KIAA1217: variants seen among roughly 807,000 people sequenced by gnomAD.
KIAA1217 encodes sickle tail protein homolog.
A neutral mutation model predicts 163.9 loss-of-function variants in KIAA1217; 88 were observed. The observed-to-expected ratio is 0.54, with a 90% CI of 0.45 to 0.64. The LOEUF (loss-of-function observed/expected upper bound fraction) is 0.64. KIAA1217 is among the 30% of genes least tolerant of loss of function. The pLI is 0.00. For missense variants in KIAA1217, 2,372 were observed against 2,475.0 expected (o/e 0.96, Z 0.88); for synonymous variants, 903 against 923.1 (o/e 0.98, Z 0.39).
At chr10:24,536,512 G>A (rs1044615580) in intron 16 of KIAA1217, among the ~76,000 whole-genome samples, 1 of 152,134 alleles carries the variant, frequency 6.6e-6, no homozygotes, top group African/African-American at 2.4e-5. Flanking sequence ...CCCCAGACAG[G>A]CAGAAAAGGT....
intron 2 of KIAA1217, among the ~76,000 whole-genome samples, chr10:24,380,471 T>C (rs887816401): frequency 6.6e-6 from 1 of 152,026 alleles, no homozygotes; most frequent in Non-Finnish European, 1.5e-5. Flanking sequence ...TGAAACCCCA[T>C]CTCTGCTAAA....
chr10:24,163,760 G>T (rs1169190442), intron 2 of KIAA1217, among the ~76,000 whole-genome samples: 1 of 152,184 alleles, frequency 6.6e-6, no homozygotes, highest in Non-Finnish European at 1.5e-5. Flanking sequence ...GCTGGTGTTT[G>T]CATGGGTGGC....
intron 2 of KIAA1217, among the ~76,000 whole-genome samples, chr10:24,322,413 G>A (rs970074716): frequency 6.6e-6 from 1 of 152,182 alleles, no homozygotes; most frequent in African/African-American, 2.4e-5. Flanking sequence ...TAACCAATGT[G>A]TCAGGATGGG....
chr10:24,242,327 TGTAA>T (rs1359802584), intron 2 of KIAA1217, among the ~76,000 whole-genome samples: 2 of 152,164 alleles, frequency 1.3e-5, no homozygotes, highest in African/African-American at 4.8e-5. Flanking sequence ...AGCCCCCACT[TGTAA>T]GTGAGAACAT....
At chr10:23,797,056 A>G (rs1370822912) in intron 1 of KIAA1217, among the ~76,000 whole-genome samples, 1 of 152,126 alleles carries the variant, frequency 6.6e-6, no homozygotes. Flanking sequence ...GGATCTTACT[A>G]TGTTGCTCAG....
chr10:24,399,245 A>T (rs546300196), intron 3 of KIAA1217, among the ~76,000 whole-genome samples: 6 of 152,280 alleles, frequency 3.9e-5, no homozygotes, highest in Admixed American at 2.0e-4. Context: ...CTTAATGTCT[A>T]TTGCATTCTA....
chr10:23,979,808 C>G (rs1375335925), intron 1 of KIAA1217, among the ~76,000 whole-genome samples: 2 of 152,154 alleles, frequency 1.3e-5, no homozygotes, highest in Non-Finnish European at 2.9e-5. Context: ...AGATGCAAAG[C>G]TCTCAAACTG....
intron 2 of KIAA1217, among the ~76,000 whole-genome samples, chr10:24,236,222 A>G (rs367748015): frequency 4.6e-5 from 7 of 152,104 alleles, no homozygotes; most frequent in African/African-American, 1.7e-4. Flanking sequence ...CTTCCAATTC[A>G]TATTTCTTTT....
intron 2 of KIAA1217, among the ~76,000 whole-genome samples, chr10:24,305,788 C>T (rs962622943): frequency 6.6e-6 from 1 of 152,174 alleles, no homozygotes; most frequent in South Asian, 2.1e-4. Flanking sequence ...GACGTGTCAT[C>T]TTTGTGGAGC....
intron 2 of KIAA1217, among the ~76,000 whole-genome samples, chr10:24,375,120 T>A (rs2134623728): frequency 6.6e-6 from 1 of 152,312 alleles, no homozygotes; most frequent in East Asian, 1.9e-4. Context: ...CACCTGGCTG[T>A]TGGTCACAGG....
At chr10:23,945,883 C>A (rs1225244896) in intron 1 of KIAA1217, among the ~76,000 whole-genome samples, 3 of 152,028 alleles carry the variant, frequency 2.0e-5, no homozygotes, top group African/African-American at 7.2e-5. Flanking sequence ...CTAATCGCAA[C>A]TGGGTGAGTG....
At chr10:23,930,488 G>A (rs12248960) in intron 1 of KIAA1217, among the ~76,000 whole-genome samples, 34,440 of 152,036 alleles carry the variant, frequency 0.23, 8,253 homozygotes, top group African/African-American at 0.61. Context: ...TCTCAACTCG[G>A]CAGCAGACAT....
At chr10:24,465,150 G>T (rs1038531666) in intron 5 of KIAA1217, among the ~76,000 whole-genome samples, 6 of 151,694 alleles carry the variant, frequency 4.0e-5, no homozygotes, top group Admixed American at 6.6e-5. Flanking sequence ...AGCTGATAGT[G>T]TGTGCCTCCC....
At chr10:24,137,147 C>G (rs576883554) in intron 2 of KIAA1217, among the ~76,000 whole-genome samples, 27 of 152,184 alleles carry the variant, frequency 1.8e-4, no homozygotes, top group Non-Finnish European at 3.2e-4. Context: ...ACTATTAATC[C>G]CTGTACAAAA....
At chr10:23,852,161 G>A (rs1248266209) in intron 1 of KIAA1217, among the ~76,000 whole-genome samples, 2 of 152,110 alleles carry the variant, frequency 1.3e-5, no homozygotes, top group African/African-American at 4.8e-5. Context: ...TAAAGTTTAA[G>A]TCTTTAATCC....
intron 2 of KIAA1217, among the ~76,000 whole-genome samples, chr10:24,243,083 A>G (rs906104333): frequency 1.3e-5 from 2 of 152,136 alleles, no homozygotes; most frequent in African/African-American, 4.8e-5. Context: ...CAGTTTAATT[A>G]GGTCCCACTT....
At chr10:23,980,597 G>A (rs980999005) in intron 1 of KIAA1217, among the ~76,000 whole-genome samples, 1 of 152,122 alleles carries the variant, frequency 6.6e-6, no homozygotes, top group Non-Finnish European at 1.5e-5. Context: ...GAGGAAGACA[G>A]CCATGTTGTA....
intron 1 of KIAA1217, among the ~76,000 whole-genome samples, chr10:23,866,414 A>C (rs1482083382): frequency 6.6e-6 from 1 of 152,170 alleles, no homozygotes; most frequent in Non-Finnish European, 1.5e-5. Flanking sequence ...GTATTTTAGC[A>C]ACTTTCTCTG....
At chr10:24,105,903 T>C (rs2062609418) in intron 2 of KIAA1217, among the ~76,000 whole-genome samples, 1 of 152,076 alleles carries the variant, frequency 6.6e-6, no homozygotes, top group Admixed American at 6.5e-5. Flanking sequence ...GGGCTGTGCA[T>C]TGTGGAAAGA....
Sources: gnomAD v4.1 joint callset for allele counts (sites outside exome capture counted in the v4.1 genomes callset) on GRCh38, gnomAD v4.1.1 for gene constraint, MANE v1.5 for transcripts, NCBI Gene and HGNC (gene_info 2026-07-23, HGNC 2026-07-21) for gene names.